Variants in GYPE observed in about 807,000 individuals in gnomAD.
GYPE encodes the protein glycophorin E (MNS blood group), also known as glycophorin-E.
In GYPE, 8 loss-of-function variants were observed where a neutral mutation model predicts 11.6. That is an observed-to-expected ratio of 0.69 (90% CI 0.41 to 1.25). The LOEUF is 1.25. Among genes scored for constraint, GYPE ranks in the 50% most tolerant of loss-of-function variants. The pLI is 0.01. For synonymous variants in GYPE, 28 were observed against 29.6 expected, an observed-to-expected ratio of 0.94 and a Z score of 0.18; for missense variants, 90 against 92.8, an observed-to-expected ratio of 0.97 and a Z score of 0.12.
At chr4:143,874,921 G>T (rs35074018) in intron 3 of GYPE, among the ~76,000 whole-genome samples, 38,121 of 151,910 alleles carry the variant, frequency 0.25, 4,939 homozygotes, top group East Asian at 0.36. Flanking sequence ...CTCCTGGCAG[G>T]TGAACTATAA....
At chr4:143,901,978 C>A (rs553087230) in intron 1 of GYPE, among the ~76,000 whole-genome samples, 1 of 152,130 alleles carries the variant, frequency 6.6e-6, no homozygotes, top group Admixed American at 6.6e-5. Flanking sequence ...GGCAACTAGT[C>A]CAGCTCATCT....
intron 1 of GYPE, among the ~76,000 whole-genome samples, chr4:143,893,634 T>G (rs1185007010): frequency 6.6e-6 from 1 of 152,206 alleles, no homozygotes; most frequent in Non-Finnish European, 1.5e-5. Context: ...TGTTGAATAT[T>G]GGCCCCCGCT....
At chr4:143,887,606 G>A (rs973705990) in intron 1 of GYPE, among the ~76,000 whole-genome samples, 1 of 149,512 alleles carries the variant, frequency 6.7e-6, no homozygotes, top group Non-Finnish European at 1.5e-5. Flanking sequence ...GAGGAGGAGG[G>A]ATAAAGAAAT....
chr4:143,898,235 G>C (rs1198906453), intron 1 of GYPE, among the ~76,000 whole-genome samples: 1 of 152,090 alleles, frequency 6.6e-6, no homozygotes, highest in Non-Finnish European at 1.5e-5. Flanking sequence ...AAATTAACTG[G>C]GCGTGGTGGT....
chr4:143,875,528 A>C (rs1743762314), intron 3 of GYPE: 15 of 1,550,934 alleles, frequency 9.7e-6, no homozygotes, highest in Non-Finnish European at 1.1e-5. Flanking sequence ...AAAAGACAGA[A>C]GTTTCCACTT....
At chr4:143,885,405 T>C (rs28444545) in intron 1 of GYPE, among the ~76,000 whole-genome samples, 41,450 of 152,024 alleles carry the variant, frequency 0.27, 6,286 homozygotes, top group East Asian at 0.56. Context: ...CTCTAGCAAA[T>C]AGGTAGACTT....
intron 3 of GYPE, among the ~76,000 whole-genome samples, chr4:143,875,039 GT>G (rs1348830982): frequency 1.3e-5 from 2 of 152,160 alleles, no homozygotes; most frequent in Non-Finnish European, 2.9e-5. Flanking sequence ...TGATAAACTT[GT>G]CTTTGCTTTT....
chr4:143,881,610 T>C (rs1271706798), intron 1 of GYPE, among the ~76,000 whole-genome samples: 1 of 152,300 alleles, frequency 6.6e-6, no homozygotes, highest in East Asian at 1.9e-4. Flanking sequence ...GCCACAGATA[T>C]CCCTATGCTG....
intron 1 of GYPE, among the ~76,000 whole-genome samples, chr4:143,884,392 C>T (rs1233585466): frequency 1.9e-5 from 1 of 52,588 alleles, no homozygotes; most frequent in African/African-American, 5.7e-5. Context: ...TTCCTTAGGC[C>T]TTGATGTTTA....
intron 1 of GYPE, among the ~76,000 whole-genome samples, chr4:143,880,801 G>A (rs2149906673): frequency 6.6e-6 from 1 of 152,264 alleles, no homozygotes; most frequent in Admixed American, 6.5e-5. Flanking sequence ...GCCTCAAAAT[G>A]TCATTGTGAG....
At position 143,880,496 on chromosome 4, in the gene GYPE, T is replaced by C. The variant is rs751337986; in HGVS notation, c.51A>G (p.Ile17Met). 3.7e-6 allele frequency: 6 copies of C among 1,613,876 alleles called. No individual in the cohort carries two copies. Among genetic ancestry groups the C allele is most frequent in the South Asian group, 1.1e-5 (1 of 91,082 alleles). ...FVLLLSGIVS[I>M]SASSTTGVAM... The stretch of plus-strand genomic sequence containing the variant: ...CCACACCAGTGGTACTTGATGCTGA[T>C]ATGCTCACAATTCCTGTATAAAATA... The change falls in exon 2 of 4, where the codon ATA (isoleucine) becomes ATG (methionine). Residue 17 changes from isoleucine to methionine, a missense_variant. Physicochemically the swap from Ile to Met is conservative, Grantham distance 10. Transcript: ENST00000358615.
intron 1 of GYPE, among the ~76,000 whole-genome samples, chr4:143,885,404 A>G (rs1032743194): frequency 6.6e-6 from 1 of 152,164 alleles, no homozygotes; most frequent in African/African-American, 2.4e-5. Context: ...ACTCTAGCAA[A>G]TAGGTAGACT....
At position 143,878,067 on chromosome 4, in the gene GYPE, CTT is replaced by C. The variant is rs1196178770; in HGVS notation, c.137-1214_137-1213del. On this transcript the variant is annotated intron_variant, in intron 2 of 3. Coordinates refer to ENST00000358615, the MANE Select transcript of GYPE (RefSeq NM_198682.3). ...TTGGTTAGAAAGGTAAAACATCTAA[CTT>C]AAGAGAAAAACTATTACCAAATTAT... Among the ~76,000 whole-genome samples, 7 of 150,272 alleles carry C rather than the reference CTT, an allele frequency of 4.7e-5. No individual in the cohort carries two copies. In the East Asian group the frequency reaches 1.4e-3, roughly 29 times the overall value.
At chr4:143,881,275 T>G (rs920782002) in intron 1 of GYPE, among the ~76,000 whole-genome samples, 6 of 151,986 alleles carry the variant, frequency 3.9e-5, no homozygotes, top group African/African-American at 1.4e-4. Context: ...AAATAAATTG[T>G]GAATTATTTC....
rs574570760 is a variant in GYPE at position 143,871,883 on chromosome 4, C to T, written c.*379G>A. The T allele has an allele frequency of 6.6e-6, 1 of 152,174 alleles. No individual in the cohort carries two copies. The highest frequency in any genetic ancestry group is 6.5e-5 in the Admixed American group (1 of 15,280). 9.4% of individuals were successfully genotyped at this position (152,174 alleles called of 1,614,324 possible). A position where few individuals can be genotyped will look rare whatever the true frequency, so the allele number is the denominator to read the frequency against. On this transcript the variant is annotated 3_prime_UTR_variant, in exon 4 of 4. Coordinates refer to ENST00000358615, the MANE Select transcript of GYPE (RefSeq NM_198682.3). ...ATTCCATCCATTTGGTGGGTAAGGACCTCAGAGTATTCAAAGTATCAAATG... is the reference window on the plus strand; with the variant it reads ...ATTCCATCCATTTGGTGGGTAAGGATCTCAGAGTATTCAAAGTATCAAATG...
At chr4:143,883,235 T>G (rs1287064654) in intron 1 of GYPE, among the ~76,000 whole-genome samples, 1 of 152,072 alleles carries the variant, frequency 6.6e-6, no homozygotes, top group Non-Finnish European at 1.5e-5. Context: ...CTCTTGCTCT[T>G]GTTCCAGGCA....
At chr4:143,890,735 G>C (rs1388625762) in intron 1 of GYPE, among the ~76,000 whole-genome samples, 3 of 152,192 alleles carry the variant, frequency 2.0e-5, no homozygotes, top group Non-Finnish European at 4.4e-5. Context: ...TACAGTATGG[G>C]ATATTAGCCT....
chr4:143,892,318 G>T (rs1206842077), intron 1 of GYPE, among the ~76,000 whole-genome samples: 80 of 148,296 alleles, frequency 5.4e-4, no homozygotes, highest in Admixed American at 1.6e-3. Flanking sequence ...CTTCAGTTCT[G>T]CTCTGATTTT....
chr4:143,871,825 G>C lies in GYPE; in HGVS notation c.*437C>G, dbSNP rs780503817. 6.6e-6 allele frequency: 1 copy of C among 152,176 alleles called. No homozygotes were observed. Among genetic ancestry groups the C allele is most frequent in the Non-Finnish European group, 1.5e-5 (1 of 68,054 alleles). 9.4% of individuals were successfully genotyped at this position (152,176 alleles called of 1,614,324 possible). A position where few individuals can be genotyped will look rare whatever the true frequency, so the allele number is the denominator to read the frequency against. On this transcript the variant is annotated 3_prime_UTR_variant, in exon 4 of 4. Coordinates refer to ENST00000358615, the MANE Select transcript of GYPE (RefSeq NM_198682.3). Reference sequence around the variant, plus strand: ...GAAAGGGAATTGTGGTTGGACAACCGAGTTCTGAGAAAGGCAGTGATTGAG... The same window carrying C: ...GAAAGGGAATTGTGGTTGGACAACCCAGTTCTGAGAAAGGCAGTGATTGAG...
Sources: allele counts gnomAD v4.1 joint callset (sites outside exome capture counted in the v4.1 genomes callset), GRCh38; gene constraint gnomAD v4.1.1; transcripts MANE v1.5; gene names NCBI Gene and HGNC (gene_info 2026-07-23, HGNC 2026-07-21).